HLTF: variants seen among roughly 807,000 people sequenced by gnomAD.
The protein encoded by HLTF is DNA-dependent ATPase/E3 ubiquitin-protein ligase HLTF.
Under a neutral mutation model 129.4 loss-of-function variants are expected in HLTF, and 127 were observed. That is an observed-to-expected ratio of 0.98 (90% confidence interval 0.85 to 1.14). The LOEUF (loss-of-function observed/expected upper bound fraction) is 1.14, where lower values mean the gene tolerates loss of function less well. Among genes scored for constraint, HLTF ranks in the 50% most tolerant of loss-of-function variants. The pLI is 0.00. For synonymous variants in HLTF, 332 were observed against 388.8 expected, an observed-to-expected ratio of 0.85 and a Z score of 1.72; for missense variants, 1,139 against 1,187.1, an observed-to-expected ratio of 0.96 and a Z score of 0.60.
chr3:149,086,232 C>T lies in HLTF; in HGVS notation c.20+85G>A, dbSNP rs560271593. On this transcript the variant is annotated intron_variant, in intron 1 of 24. Coordinates refer to ENST00000310053, the MANE Select transcript of HLTF (RefSeq NM_003071.4). ...AGCTGCACAAATCGCCCAGGGAACG[C>T]AGAGGAACGCGGGGAAGGTCAGGTT... 476 of 1,384,354 alleles carry T rather than the reference C, an allele frequency of 3.4e-4. 14 individuals are homozygous for T. The South Asian group carries it at 4.3e-3, about 13-fold the overall frequency. 85.8% of individuals were successfully genotyped at this position (1,384,354 alleles called of 1,614,324 possible).
chr3:149,032,187 C>A lies in HLTF; in HGVS notation c.*33G>T. 1 of 1,458,754 alleles carries A rather than the reference C, an allele frequency of 6.9e-7. No individual in the cohort carries two copies. Among genetic ancestry groups the A allele is most frequent in the East Asian group, 2.4e-5 (1 of 40,878 alleles). 90.4% of individuals were successfully genotyped at this position (1,458,754 alleles called of 1,614,324 possible). A position where few individuals can be genotyped will look rare whatever the true frequency, so the allele number is the denominator to read the frequency against. ...TTTCTCATTTCTAAAACTTAAGTAT[C>A]CAATCAAACTGACCTTACTAAAATC... On this transcript the variant is annotated 3_prime_UTR_variant, in exon 25 of 25. Coordinates refer to ENST00000310053, the MANE Select transcript of HLTF (RefSeq NM_003071.4).
chr3:149,033,618 T>C (rs930326954), intron 24 of HLTF, among the ~76,000 whole-genome samples: 2 of 152,130 alleles, frequency 1.3e-5, no homozygotes, highest in African/African-American at 4.8e-5. Context: ...AATTAGTTTA[T>C]GATGAAAGTG....
At chr3:149,085,218 C>T (rs949249899) in intron 1 of HLTF, among the ~76,000 whole-genome samples, 7 of 152,140 alleles carry the variant, frequency 4.6e-5, no homozygotes, top group Admixed American at 4.6e-4. Flanking sequence ...GGGCCGGATG[C>T]GGTGGCTCAC....
chr3:149,068,605 T>G (rs1450694816), intron 7 of HLTF, among the ~76,000 whole-genome samples: 1 of 152,210 alleles, frequency 6.6e-6, no homozygotes, highest in African/African-American at 2.4e-5. Context: ...TATTCTACAA[T>G]TCTACATTTA....
chr3:149,073,290 A>G lies in HLTF; in HGVS notation c.562T>C (p.Ser188Pro), dbSNP rs779176918. The change falls in exon 5 of 25, where the codon TCT (serine) becomes CCT (proline). Residue 188 changes from serine (S) to proline (P), a missense_variant. Physicochemically the swap from Ser to Pro is moderately conservative, Grantham distance 74 (BLOSUM62 -1). Transcript: ENST00000310053. The stretch of plus-strand genomic sequence containing the variant: ...CTATAGCTTGGTCCAGCTCTTCCAG[A>G]GCCCCAACCACTTTCCAAATTGAAT... Reference protein sequence around the residue: ...LGFNLESGWGSGRAGPSYSMP... With the variant: ...LGFNLESGWGPGRAGPSYSMP... 6 of 1,612,812 alleles carry G rather than the reference A, an allele frequency of 3.7e-6. No homozygotes were observed. The highest frequency in any genetic ancestry group is 5.1e-6 in the Non-Finnish European group (6 of 1,179,212).
At chr3:149,048,258 G>A in intron 16 of HLTF, 95 bp from the exon 17 acceptor site, 1 of 865,308 alleles carries the variant, frequency 1.2e-6, no homozygotes, top group South Asian at 1.9e-5. Context: ...ATTGAAAATG[G>A]GCACTCTGTA....
rs146181227 is a variant in HLTF, at chr3:149,032,317, C to T, written c.2933G>A (p.Arg978Lys). Residue 978 changes from arginine to lysine, a missense_variant, in exon 25 of 25, where the codon AGA (arginine) becomes AAA (lysine). Physicochemically the swap from Arg to Lys is conservative, Grantham distance 26 (BLOSUM62 2). Transcript: ENST00000310053. ...TCCAAAGGCTCCTGCTGCAAGTTCTCTCTTTTTGTTTTGTATTTTCAGCAT... is the reference window on the plus strand; with the variant it reads ...TCCAAAGGCTCCTGCTGCAAGTTCTTTCTTTTTGTTTTGTATTTTCAGCAT... The part of the protein sequence containing the change: ...ENMLKIQNKK[R>K]ELAAGAFGTK... 11 of 1,596,666 alleles carry T rather than the reference C, an allele frequency of 6.9e-6. No individual in the cohort carries two copies.
intron 23 of HLTF, among the ~76,000 whole-genome samples, chr3:149,037,460 T>C (rs112323948): frequency 0.027 from 3,578 of 132,902 alleles, 170 homozygotes; most frequent in African/African-American, 0.096. Context: ...AGAGCAAGAC[T>C]CTGTCTCAAA....
chr3:149,036,051 C>T (rs1327645442), intron 23 of HLTF, among the ~76,000 whole-genome samples: 2 of 151,362 alleles, frequency 1.3e-5, no homozygotes, highest in Admixed American at 6.6e-5. Flanking sequence ...AGGAGAATGG[C>T]GTGAACCCAG....
intron 18 of HLTF, among the ~76,000 whole-genome samples, chr3:149,043,541 C>A (rs1239679099): frequency 5.6e-5 from 6 of 107,436 alleles, no homozygotes; most frequent in Admixed American, 1.2e-4. Context: ...TGCTGAACTT[C>A]AGAGGGAAAA....
chr3:149,033,883 A>G (rs911749754), intron 24 of HLTF, among the ~76,000 whole-genome samples: 3 of 152,112 alleles, frequency 2.0e-5, no homozygotes, highest in Non-Finnish European at 4.4e-5. Context: ...AAATCATAAA[A>G]ATTTTAAAGC....
intron 14 of HLTF, among the ~76,000 whole-genome samples, chr3:149,050,641 C>T (rs1716907271): frequency 6.6e-6 from 1 of 152,090 alleles, no homozygotes; most frequent in Admixed American, 6.5e-5. Flanking sequence ...TTATTGAAAA[C>T]AATAATGAGT....
At position 149,055,305 on chromosome 3, in the gene HLTF, T is replaced by C. The variant is rs746925328; in HGVS notation, c.1471A>G (p.Ile491Val). The C allele has an allele frequency of 8.1e-6, 13 of 1,604,918 alleles. No individual in the cohort carries two copies. Among genetic ancestry groups the C allele is most frequent in the African/African-American group, 1.3e-5 (1 of 74,774 alleles). ...TTTTAAAGGGCTTAAAGACTTACAA[T>C]CCAGTTGCTTAACACAGAAAGCGGA... Reference protein sequence around the residue: ...ICPLSVLSNWIDQFGQHIKSD... With the variant: ...ICPLSVLSNWVDQFGQHIKSD... The change falls in exon 14 of 25, where the codon ATT (isoleucine) becomes GTT (valine). Residue 491 changes from isoleucine to valine, a missense_variant and splice_region_variant. Physicochemically the swap from Ile to Val is conservative, Grantham distance 29. Coordinates refer to ENST00000310053, the MANE Select transcript of HLTF (RefSeq NM_003071.4).
rs149848386 is a variant in HLTF, at chr3:149,032,370, G to A, written c.2880C>T (p.Phe960=). ...GQKQEVIITK[F]IVKDSVEENM... is the part of the protein sequence containing the mutation. Reference sequence around the variant, plus strand: ...TTTCTTCAACAGAGTCCTTTACAATGAACTTTAAAAAGAAAAAAAAAAGTT... The same window carrying A: ...TTTCTTCAACAGAGTCCTTTACAATAAACTTTAAAAAGAAAAAAAAAAGTT... Residue 960 remains phenylalanine, a splice_region_variant and synonymous_variant, in exon 25 of 25, where the codon TTC becomes TTT. Coordinates refer to ENST00000310053, the MANE Select transcript of HLTF (RefSeq NM_003071.4). The A allele has an allele frequency of 1.1e-3, 1,602 of 1,462,924 alleles. 3 individuals are homozygous for A. The highest frequency in any genetic ancestry group is 1.3e-3 in the Non-Finnish European group (1,467 of 1,097,944). 90.6% of individuals were successfully genotyped at this position (1,462,924 alleles called of 1,614,324 possible). A position where few individuals can be genotyped will look rare whatever the true frequency, so the allele number is the denominator to read the frequency against.
At chr3:149,082,289 T>A (rs1420066869) in intron 2 of HLTF, among the ~76,000 whole-genome samples, 1 of 152,118 alleles carries the variant, frequency 6.6e-6, no homozygotes, top group African/African-American at 2.4e-5. Flanking sequence ...AAACCCCGTC[T>A]CTACCAAAAA....
At chr3:149,063,931 C>T (rs1290354970) in intron 9 of HLTF, among the ~76,000 whole-genome samples, 1 of 152,134 alleles carries the variant, frequency 6.6e-6, no homozygotes, top group African/African-American at 2.4e-5. Context: ...CTCCCCTACC[C>T]ATTTATCAGA....
At chr3:149,053,941 T>C (rs1014431045) in intron 14 of HLTF, among the ~76,000 whole-genome samples, 7 of 152,086 alleles carry the variant, frequency 4.6e-5, no homozygotes, top group African/African-American at 1.7e-4. Flanking sequence ...AACAGTTTCG[T>C]TGGAATAAAA....
chr3:149,034,988 G>A lies in HLTF; in HGVS notation c.2807C>T (p.Pro936Leu). Residue 936 changes from proline (P) to leucine (L), a missense_variant, in exon 24 of 25, where the codon CCT (proline) becomes CTT (leucine). Transcript: ENST00000310053. The part of the protein sequence containing the change: ...RVFLMDPAWN[P>L]AAEDQCFDRC... ...GTCAAAGCACTGATCTTCAGCAGCA[G>A]GATTCCAGGCCTAACAAGAACATGG... is the stretch of plus-strand genomic sequence containing the variant. The A allele has an allele frequency of 6.2e-7, 1 of 1,613,138 alleles. No homozygotes were observed. Among genetic ancestry groups the A allele is most frequent in the Non-Finnish European group, 8.5e-7 (1 of 1,179,114 alleles).
intron 2 of HLTF, among the ~76,000 whole-genome samples, chr3:149,079,515 A>C (rs200644941): frequency 1.3e-5 from 1 of 76,244 alleles, no homozygotes; most frequent in East Asian, 3.9e-4. Context: ...GGTATACTAC[A>C]TATATAAAGA....
Sources: allele counts gnomAD v4.1 joint callset (sites outside exome capture counted in the v4.1 genomes callset), GRCh38; gene constraint gnomAD v4.1.1; transcripts MANE v1.5; gene names NCBI Gene and HGNC (gene_info 2026-07-23, HGNC 2026-07-21).